RFX3: variants seen among roughly 807,000 people sequenced by gnomAD.
RFX3 encodes the protein transcription factor RFX3.
RFX3 carries 14 observed loss-of-function variants against 98.6 expected under a neutral mutation model. The ratio of observed to expected loss-of-function variants is 0.14; its 90% confidence interval spans 0.09 to 0.22. The LOEUF (loss-of-function observed/expected upper bound fraction) is 0.22. Ranked by LOEUF, RFX3 falls within the 10% of genes least tolerant of loss-of-function variation. The pLI, the probability that RFX3 is intolerant of heterozygous loss-of-function variation, is 1.00. For synonymous variants in RFX3, 383 were observed against 328.4 expected (o/e 1.17, Z -1.80); for missense variants, 639 against 926.9 (o/e 0.69, Z 4.03).
At chr9:3,450,228 G>T (rs1017850955) in intron 1 of RFX3, among the ~76,000 whole-genome samples, 1 of 152,156 alleles carries the variant, frequency 6.6e-6, no homozygotes, top group African/African-American at 2.4e-5. Context: ...CTCTAAAAAT[G>T]AGTTGTTTGA....
intron 1 of RFX3, among the ~76,000 whole-genome samples, chr9:3,464,610 A>G (rs1199801335): frequency 6.6e-6 from 1 of 152,192 alleles, no homozygotes; most frequent in Non-Finnish European, 1.5e-5. Flanking sequence ...GAGCAATGAG[A>G]TGGGGTAAAG....
intron 4 of RFX3, among the ~76,000 whole-genome samples, chr9:3,319,242 T>C (rs1440598777): frequency 6.6e-6 from 1 of 151,682 alleles, no homozygotes; most frequent in Non-Finnish European, 1.5e-5. Flanking sequence ...CAAGGGGCCC[T>C]TGCCCACACT....
intron 1 of RFX3, among the ~76,000 whole-genome samples, chr9:3,442,610 C>T (rs745884529): frequency 6.6e-6 from 1 of 152,106 alleles, no homozygotes; most frequent in African/African-American, 2.4e-5. Flanking sequence ...CCCCTGGTTG[C>T]CTAGTTGTAA....
chr9:3,424,534 G>C (rs1449385906), intron 1 of RFX3, among the ~76,000 whole-genome samples: 2 of 151,012 alleles, frequency 1.3e-5, no homozygotes, highest in Non-Finnish European at 3.0e-5. Flanking sequence ...GATAATTTTT[G>C]TATTTTTAGT....
chr9:3,328,636 G>A (rs992879561), intron 4 of RFX3, among the ~76,000 whole-genome samples: 6 of 152,106 alleles, frequency 3.9e-5, no homozygotes, highest in African/African-American at 1.2e-4. Context: ...CTGTTCTGAT[G>A]TTAGTAACAA....
chr9:3,274,174 C>A (rs953739428), intron 9 of RFX3, among the ~76,000 whole-genome samples: 4 of 152,112 alleles, frequency 2.6e-5, no homozygotes, highest in Non-Finnish European at 5.9e-5. Flanking sequence ...AGAGAACCTG[C>A]CCTTGGTGGT....
At chr9:3,473,440 G>A (rs72699089) in intron 1 of RFX3, among the ~76,000 whole-genome samples, 1 of 152,240 alleles carries the variant, frequency 6.6e-6, no homozygotes, top group Non-Finnish European at 1.5e-5. Flanking sequence ...ACTAACAAAA[G>A]TCTAAAACAT....
At chr9:3,380,758 T>A (rs1379286006) in intron 2 of RFX3, among the ~76,000 whole-genome samples, 4 of 152,212 alleles carry the variant, frequency 2.6e-5, no homozygotes, top group African/African-American at 9.6e-5. Flanking sequence ...AGCTCAAACA[T>A]TAACAATATT....
chr9:3,483,160 G>C (rs1001279264), intron 1 of RFX3, among the ~76,000 whole-genome samples: 5 of 152,128 alleles, frequency 3.3e-5, no homozygotes, highest in African/African-American at 9.7e-5. Context: ...TCAGGGCTGA[G>C]CCTGAGTATC....
At chr9:3,295,879 C>T (rs111438714) in intron 5 of RFX3, among the ~76,000 whole-genome samples, 2,096 of 151,912 alleles carry the variant, frequency 0.014, 34 homozygotes, top group Admixed American at 0.027. Flanking sequence ...ATAATAAAAA[C>T]AGATCTGATG....
At chr9:3,374,943 G>A (rs7863863) in intron 2 of RFX3, among the ~76,000 whole-genome samples, 138,831 of 152,072 alleles carry the variant, frequency 0.91, 63,505 homozygotes, top group East Asian at 1. Context: ...ATTAACAACA[G>A]TTACGTAATT....
chr9:3,237,255 G>C lies in RFX3; in HGVS notation c.1969-8366C>G, dbSNP rs538125004. Among the ~76,000 whole-genome samples the C allele has an allele frequency of 2.4e-3, 369 of 152,204 alleles. 2 individuals are homozygous for C. The highest frequency in any genetic ancestry group is 0.014 in the Middle Eastern group (4 of 292). ...TGTTGTTTGTGTTTTTCAAAGCATT[G>C]AATTAGTTTGCCTTTGATTACCACT... On this transcript the variant is annotated intron_variant, in intron 15 of 16. Coordinates refer to ENST00000617270, the MANE Select transcript of RFX3 (RefSeq NM_001282116.2).
In RFX3 at chr9:3,220,054, AT is replaced by A. The variant is rs1196251119; in HGVS notation, c.*4987del. ...TTTAGAGATATCAGAAGCAGTAGTC[AT>A]AGCATCTCCTGACAGATGAGCTTAA... On this transcript the variant is annotated 3_prime_UTR_variant, in exon 17 of 17. Coordinates refer to ENST00000617270, the MANE Select transcript of RFX3 (RefSeq NM_001282116.2). The A allele has an allele frequency of 7.4e-4, 112 of 152,360 alleles. No individual in the cohort carries two copies. Among genetic ancestry groups the A allele is most frequent in the African/African-American group, 2.7e-3 (112 of 41,596 alleles). 9.4% of individuals were successfully genotyped at this position (152,360 alleles called of 1,614,324 possible).
chr9:3,234,283 A>G (rs1267953558), intron 15 of RFX3, among the ~76,000 whole-genome samples: 4 of 152,236 alleles, frequency 2.6e-5, no homozygotes, highest in African/African-American at 9.6e-5. Flanking sequence ...CTACCAGTGT[A>G]GTGCAAAAAT....
intron 7 of RFX3, among the ~76,000 whole-genome samples, chr9:3,280,217 G>A (rs1013885325): frequency 1.3e-5 from 2 of 151,742 alleles, no homozygotes; most frequent in African/African-American, 4.8e-5. Flanking sequence ...CCTGGGAAAA[G>A]GTCTAGGGAC....
chr9:3,450,874 T>G (rs573274397), intron 1 of RFX3, among the ~76,000 whole-genome samples: 16 of 152,348 alleles, frequency 1.1e-4, no homozygotes, highest in African/African-American at 3.4e-4. Flanking sequence ...AATTTAGTAC[T>G]ACCTGGGAAA....
intron 1 of RFX3, among the ~76,000 whole-genome samples, chr9:3,468,772 A>G (rs1251341296): frequency 1.3e-5 from 2 of 151,080 alleles, no homozygotes; most frequent in Non-Finnish European, 3.0e-5. Context: ...GCCTTGGACA[A>G]CTGAAAATAT....
intron 4 of RFX3, among the ~76,000 whole-genome samples, chr9:3,305,327 T>C (rs1269139368): frequency 1.3e-5 from 2 of 152,042 alleles, no homozygotes; most frequent in South Asian, 2.1e-4. Context: ...TGTAGGGATG[T>C]ATGAAAAATG....
intron 1 of RFX3, among the ~76,000 whole-genome samples, chr9:3,525,508 C>CGGCG (rs1045934416): frequency 4.6e-5 from 7 of 151,896 alleles, no homozygotes; most frequent in African/African-American, 1.7e-4. Context: ...GGGCCGGGGC[C>CGGCG]GGCGGGCGGC....
Sources: allele counts gnomAD v4.1 joint callset (sites outside exome capture counted in the v4.1 genomes callset), GRCh38; gene constraint gnomAD v4.1.1; transcripts MANE v1.5; gene names NCBI Gene and HGNC (gene_info 2026-07-23, HGNC 2026-07-21).